Variants in CHD3 observed in about 807,000 individuals in gnomAD.
The protein encoded by CHD3 is chromodomain helicase DNA binding protein 3.
A neutral mutation model predicts 248.9 loss-of-function variants in CHD3; 52 were observed. The observed-to-expected ratio is 0.21, with a 90% confidence interval of 0.17 to 0.26. The LOEUF (loss-of-function observed/expected upper bound fraction) is 0.26. Ranked by LOEUF, CHD3 falls within the 10% of genes least tolerant of loss-of-function variation. CHD3 has a pLI of 1.00. For synonymous variants in CHD3, 985 were observed against 985.2 expected, an observed-to-expected ratio of 1.00 and a Z score of 0.00; for missense variants, 1,482 against 2,605.8, an observed-to-expected ratio of 0.57 and a Z score of 9.39.
chr17:7,900,309 G>C lies in CHD3; in HGVS notation c.2702G>C (p.Gly901Ala). 1 of 1,614,072 alleles carries C rather than the reference G, an allele frequency of 6.2e-7. No individual in the cohort carries two copies. The highest frequency in any genetic ancestry group is 8.5e-7 in the Non-Finnish European group (1 of 1,180,014). ...NQSKFFRVLN[G>A]YKIDHKLLLT... ...TTTTAGTTTTTCAGGGTTCTCAATG[G>C]TTACAAGATAGATCATAAGTTGCTG... The change falls in exon 17 of 40, where the codon GGT becomes GCT. Residue 901 changes from glycine to alanine, a missense_variant. By Grantham distance (60) the Gly-to-Ala change is moderately conservative (BLOSUM62 0). Transcript: ENST00000330494. This position sits in a 1 kb window ranked among gnomAD's most constrained non-coding sequence, Gnocchi z 6.5.
In CHD3 at chr17:7,903,750, G is replaced by T. The variant is rs976738623; in HGVS notation, c.3728-75G>T. 6.7e-7 allele frequency: 1 copy of T among 1,499,426 alleles called. No individual in the cohort carries two copies. Among genetic ancestry groups the T allele is most frequent in the Non-Finnish European group, 9.1e-7 (1 of 1,094,294 alleles). The allele number at this position is 1,499,426 out of a possible 1,614,324, so 92.9% of individuals were successfully genotyped here. On this transcript the variant is annotated intron_variant, in intron 23 of 39. Coordinates refer to ENST00000330494, the MANE Select transcript of CHD3 (RefSeq NM_001005273.3). This position sits in a 1 kb window ranked among gnomAD's most constrained non-coding sequence, Gnocchi z 6.8. ...TCTCTAGGGCTCCTGTGAAAAGGAC[G>T]CAGAGTAGAAGCTTTCCCATCAGCC...
chr17:7,906,515 G>A lies in CHD3; in HGVS notation c.4359-38G>A. On this transcript the variant is annotated intron_variant, in intron 28 of 39. Transcript: ENST00000330494. This position sits in a 1 kb window ranked among gnomAD's most constrained non-coding sequence, Gnocchi z 5.0. Reference sequence around the variant, plus strand: ...CCTCACTGCCCTATACCCCTTCTGTGGCTCCCCTAACCCTCCTCCCACTCC... The same window carrying A: ...CCTCACTGCCCTATACCCCTTCTGTAGCTCCCCTAACCCTCCTCCCACTCC... 6.2e-7 allele frequency: 1 copy of A among 1,611,202 alleles called. No individual in the cohort carries two copies. Among genetic ancestry groups the A allele is most frequent in the South Asian group, 1.1e-5 (1 of 90,864 alleles).
rs1233263792 is a variant in CHD3 at position 7,902,953 on chromosome 17, A to G, written c.3387A>G (p.Gln1129=). 1.2e-6 allele frequency: 2 copies of G among 1,614,056 alleles called. No homozygotes were observed. Among genetic ancestry groups the G allele is most frequent in the Admixed American group, 1.7e-5 (1 of 60,010 alleles). ...IDRFNAPGAQ[Q]FCFLLSTRAG... is the part of the protein sequence containing the mutation. ...ACCTCCTAGCTCCTGGGGCCCAACA[A>G]TTCTGCTTCCTCCTGTCCACCCGAG... Residue 1129 remains glutamine (Q), a synonymous_variant, in exon 22 of 40, where the codon CAA becomes CAG. Coordinates refer to ENST00000330494, the MANE Select transcript of CHD3 (RefSeq NM_001005273.3).
Position 7,907,780 on chromosome 17 carries a change from G to A in CHD3, c.5026+78G>A. ...TGGAGTCTGGGGAACCGAATGCTTG[G>A]GTCCTGGGCGGGTAGCTGTTTGAAA... On this transcript the variant is annotated intron_variant, in intron 33 of 39. Transcript: ENST00000330494. This position sits in a 1 kb window ranked among gnomAD's most constrained non-coding sequence, Gnocchi z 4.3. The A allele has an allele frequency of 6.7e-7, 1 of 1,503,330 alleles. No individual in the cohort carries two copies. Among genetic ancestry groups the A allele is most frequent in the Non-Finnish European group, 8.9e-7 (1 of 1,126,098 alleles). 93.1% of individuals were successfully genotyped at this position (1,503,330 alleles called of 1,614,324 possible).
Position 7,889,017 on chromosome 17 carries a change from CTG to C in CHD3, c.20_21del (p.Val7AspfsTer7). ...TCCTGTGTGATGAAGGCGGCAGACA[CTG>C]TGATCCTGTGGGCAAGAAGTAAAAA... On this transcript the variant is annotated frameshift_variant, in exon 1 of 40. Coordinates refer to ENST00000330494, the MANE Select transcript of CHD3 (RefSeq NM_001005273.3). LOFTEE classifies it high-confidence loss of function. This position sits in a 1 kb window ranked among gnomAD's most constrained non-coding sequence, Gnocchi z 4.5. 2 of 1,614,222 alleles carry C rather than the reference CTG, an allele frequency of 1.2e-6. No homozygotes were observed. Among genetic ancestry groups the C allele is most frequent in the African/African-American group, 1.3e-5 (1 of 75,044 alleles).
Position 7,911,659 on chromosome 17 carries a change from T to C in CHD3, c.*74T>C, listed in dbSNP as rs1182306028. On this transcript the variant is annotated 3_prime_UTR_variant, in exon 40 of 40. Transcript: ENST00000330494. The surrounding 1 kb of genome is among the most constrained non-coding windows in gnomAD (Gnocchi z 5.4). ...CCCCAGCTCAAGCGCTGGGGCCTGC[T>C]GCCAGCCCTCCACCTTCCCCACCCC... The C allele has an allele frequency of 5.6e-6, 9 of 1,607,210 alleles. No homozygotes were observed. The highest frequency in any genetic ancestry group is 6.8e-6 in the Non-Finnish European group (8 of 1,176,286).
chr17:7,905,591 T>C lies in CHD3; in HGVS notation c.4139-30T>C. 1 of 1,530,374 alleles carries C rather than the reference T, an allele frequency of 6.5e-7. No homozygotes were observed. Among genetic ancestry groups the C allele is most frequent in the Non-Finnish European group, 8.8e-7 (1 of 1,130,154 alleles). The allele number at this position is 1,530,374 out of a possible 1,614,324, so 94.8% of individuals were successfully genotyped here. On this transcript the variant is annotated intron_variant, in intron 26 of 39. Coordinates refer to ENST00000330494, the MANE Select transcript of CHD3 (RefSeq NM_001005273.3). The surrounding 1 kb of genome is among the most constrained non-coding windows in gnomAD (Gnocchi z 5.8). ...ACTGAGGCTTAGAGGAGGTGGTGGC[T>C]CAGCTAACTGATGTCATCCCCACCC... is the stretch of plus-strand genomic sequence containing the variant.
chr17:7,903,087 T>C lies in CHD3; in HGVS notation c.3495+26T>C. 1.9e-6 allele frequency: 3 copies of C among 1,605,876 alleles called. No homozygotes were observed. Among genetic ancestry groups the C allele is most frequent in the Non-Finnish European group, 2.6e-6 (3 of 1,173,690 alleles). ...GTGGGAACTCGCATCCTAGAACCCC[T>C]GCACCATTTAGCAAGGAGATGTGGG... On this transcript the variant is annotated intron_variant, in intron 22 of 39. Transcript: ENST00000330494. This position sits in a 1 kb window ranked among gnomAD's most constrained non-coding sequence, Gnocchi z 6.8.
intron 20 of CHD3, among the ~76,000 whole-genome samples, 184 bp from the exon 21 acceptor site, chr17:7,902,426 A>T (rs528910967): frequency 2.6e-5 from 4 of 152,180 alleles, no homozygotes; most frequent in African/African-American, 7.2e-5. Flanking sequence ...ATCTCAAAAA[A>T]AAATAAAAAT....
rs1230834784 is a variant in CHD3, at chr17:7,910,393, C to G, written c.5591-35C>G. On this transcript the variant is annotated intron_variant, in intron 37 of 39. Coordinates refer to ENST00000330494, the MANE Select transcript of CHD3 (RefSeq NM_001005273.3). The surrounding 1 kb of genome is among the most constrained non-coding windows in gnomAD (Gnocchi z 4.7). Reference sequence around the variant, plus strand: ...TCCATCTCTGTATTTCCCTGTCTTTCTCTTGCCCTTCTTTCTCTGTGGCCC... The same window carrying G: ...TCCATCTCTGTATTTCCCTGTCTTTGTCTTGCCCTTCTTTCTCTGTGGCCC... 1 of 1,613,800 alleles carries G rather than the reference C, an allele frequency of 6.2e-7. No individual in the cohort carries two copies. Among genetic ancestry groups the G allele is most frequent in the African/African-American group, 1.3e-5 (1 of 74,918 alleles).
chr17:7,889,040 A>G lies in CHD3; in HGVS notation c.40A>G (p.Lys14Glu). 1.2e-6 allele frequency: 2 copies of G among 1,614,264 alleles called. No homozygotes were observed. The highest frequency in any genetic ancestry group is 1.7e-6 in the Non-Finnish European group (2 of 1,180,044). The part of the protein sequence containing the change: ...ADTVILWARS[K>E]NDQLRISFPP... The stretch of plus-strand genomic sequence containing the variant: ...CACTGTGATCCTGTGGGCAAGAAGT[A>G]AAAATGACCAGCTGAGGATTTCTTT... Residue 14 changes from lysine to glutamate, a missense_variant, in exon 1 of 40, where the codon AAA becomes GAA. Lys to Glu is a moderately conservative substitution (Grantham distance 56). This residue lies in a region of CHD3 where 169 missense variants were observed against 168.1 expected (regional missense o/e 1.01). Coordinates refer to ENST00000330494, the MANE Select transcript of CHD3 (RefSeq NM_001005273.3). This position sits in a 1 kb window ranked among gnomAD's most constrained non-coding sequence, Gnocchi z 4.5.
Position 7,894,527 on chromosome 17 carries a change from C to G in CHD3, c.1188C>G (p.Thr396=), listed in dbSNP as rs775657174. ...GTGGGGAAATTATTCTGTGTGACACCTGCCCTCGTGCCTACCACCTCGTCT... is the reference window on the plus strand; with the variant it reads ...GTGGGGAAATTATTCTGTGTGACACGTGCCCTCGTGCCTACCACCTCGTCT... The part of the protein sequence containing the change: ...QQGGEIILCD[T]CPRAYHLVCL... Residue 396 remains threonine, a synonymous_variant, in exon 8 of 40, where the codon ACC becomes ACG. Transcript: ENST00000330494. The G allele has an allele frequency of 1.4e-5, 22 of 1,613,970 alleles. No homozygotes were observed. Among genetic ancestry groups the G allele is most frequent in the Admixed American group, 8.3e-5 (5 of 60,002 alleles).
rs1208434202 is a variant in CHD3 at position 7,893,504 on chromosome 17, C to T, written c.728C>T (p.Pro243Leu). 34 of 1,519,028 alleles carry T rather than the reference C, an allele frequency of 2.2e-5. No individual in the cohort carries two copies. The highest frequency in any genetic ancestry group is 3.1e-5 in the Non-Finnish European group (34 of 1,098,082). The allele number at this position is 1,519,028 out of a possible 1,614,324, so 94.1% of individuals were successfully genotyped here. A position where few individuals can be genotyped will look rare whatever the true frequency, so the allele number is the denominator to read the frequency against. ...PIAPSGPPAL[P>L]PPPAADIQPP... is the part of the protein sequence containing the mutation. ...GCACCCTCCGGACCCCCCGCCCTTCCACCACCCCCTGCTGCTGATATCCAG... is the reference window on the plus strand; with the variant it reads ...GCACCCTCCGGACCCCCCGCCCTTCTACCACCCCCTGCTGCTGATATCCAG... The change falls in exon 5 of 40, where the codon CCA becomes CTA. Residue 243 changes from proline to leucine, a missense_variant. Transcript: ENST00000330494.
In CHD3 at chr17:7,903,085, C is replaced by T; in HGVS notation, c.3495+24C>T. ...AGGTGGGAACTCGCATCCTAGAACC[C>T]CTGCACCATTTAGCAAGGAGATGTG... On this transcript the variant is annotated intron_variant, in intron 22 of 39. Coordinates refer to ENST00000330494, the MANE Select transcript of CHD3 (RefSeq NM_001005273.3). The surrounding 1 kb of genome is among the most constrained non-coding windows in gnomAD (Gnocchi z 6.8). 6.2e-7 allele frequency: 1 copy of T among 1,606,512 alleles called. No individual in the cohort carries two copies. Among genetic ancestry groups the T allele is most frequent in the Non-Finnish European group, 8.5e-7 (1 of 1,174,208 alleles).
intron 6 of CHD3, 61 bp downstream of exon 6, chr17:7,893,996 C>A: frequency 6.4e-7 from 1 of 1,569,452 alleles, no homozygotes; most frequent in Non-Finnish European, 8.6e-7. Flanking sequence ...GACAGGGATC[C>A]GTGAGGGCCA....
Position 7,910,629 on chromosome 17 carries a change from T to G in CHD3, c.5754+38T>G. Reference sequence around the variant, plus strand: ...CCCCCTAGCTCCAGTTTTCCCTGTTTGTGTTCCTCCTGCACACATACAAAC... The same window carrying G: ...CCCCCTAGCTCCAGTTTTCCCTGTTGGTGTTCCTCCTGCACACATACAAAC... On this transcript the variant is annotated intron_variant, in intron 38 of 39. Transcript: ENST00000330494. The surrounding 1 kb of genome is among the most constrained non-coding windows in gnomAD (Gnocchi z 4.7). 6.3e-7 allele frequency: 1 copy of G among 1,589,704 alleles called. No individual in the cohort carries two copies. Among genetic ancestry groups the G allele is most frequent in the Non-Finnish European group, 8.5e-7 (1 of 1,169,692 alleles).
Position 7,900,061 on chromosome 17 carries a change from C to G in CHD3, c.2682+28C>G, listed in dbSNP as rs769376343. On this transcript the variant is annotated intron_variant, in intron 16 of 39. Coordinates refer to ENST00000330494, the MANE Select transcript of CHD3 (RefSeq NM_001005273.3). This position sits in a 1 kb window ranked among gnomAD's most constrained non-coding sequence, Gnocchi z 6.5. The stretch of plus-strand genomic sequence containing the variant: ...GAGTGAGGTTTCCAGACCTAAAAAA[C>G]TTGAAGTTGTGGACTTCCCACTTGC... 6.3e-7 allele frequency: 1 copy of G among 1,582,512 alleles called. No homozygotes were observed. The highest frequency in any genetic ancestry group is 1.1e-5 in the South Asian group (1 of 87,834).
rs1045838142 is a variant in CHD3, at chr17:7,904,672, G to A, written c.4072+53G>A. 27 of 1,504,952 alleles carry A rather than the reference G, an allele frequency of 1.8e-5. No individual in the cohort carries two copies. The highest frequency in any genetic ancestry group is 2.5e-5 in the Non-Finnish European group (27 of 1,096,252). The allele number at this position is 1,504,952 out of a possible 1,614,324, so 93.2% of individuals were successfully genotyped here. A position where few individuals can be genotyped will look rare whatever the true frequency, so the allele number is the denominator to read the frequency against. Reference sequence around the variant, plus strand: ...AAAGGGGGGAAGTGATGATGAGTAGGGACTTGAAGGCTGGAGCTATTTAGA... The same window carrying A: ...AAAGGGGGGAAGTGATGATGAGTAGAGACTTGAAGGCTGGAGCTATTTAGA... On this transcript the variant is annotated intron_variant, in intron 25 of 39. Transcript: ENST00000330494. The surrounding 1 kb of genome is among the most constrained non-coding windows in gnomAD (Gnocchi z 4.4).
chr17:7,893,626 A>C, intron 5 of CHD3, 57 bp downstream of exon 5: 3 of 1,533,770 alleles, frequency 2.0e-6, no homozygotes, highest in Non-Finnish European at 2.6e-6. Context: ...ATGTCTTCAC[A>C]TTAGAGTCTG....
Sources: gnomAD v4.1 joint callset for allele counts (sites outside exome capture counted in the v4.1 genomes callset) on GRCh38, gnomAD v4.1.1 for gene constraint, gnomAD v4.1.1 regional missense constraint, Gnocchi (gnomAD v3.1) non-coding constraint, MANE v1.5 for transcripts, NCBI Gene and HGNC (gene_info 2026-07-23, HGNC 2026-07-21) for gene names.